The following MDGA2 variants were observed in gnomAD, a reference collection of about 807,000 sequenced individuals.
The protein encoded by MDGA2 is MAM domain containing glycosylphosphatidylinositol anchor 2.
A neutral mutation model predicts 117.8 loss-of-function variants in MDGA2; 40 were observed. The observed-to-expected ratio is 0.34, with a 90% CI of 0.26 to 0.44. The LOEUF (loss-of-function observed/expected upper bound fraction) is 0.44. Among genes scored for constraint, MDGA2 ranks in the 20% least tolerant of loss-of-function variants. The probability of loss-of-function intolerance (pLI) is 1.00; values close to 1 mark genes in which losing one functional copy is unlikely to be tolerated. For synonymous variants in MDGA2, 452 were observed against 439.0 expected (o/e 1.03, Z -0.37); for missense variants, 1,123 against 1,250.6 (o/e 0.90, Z 1.54).
At chr14:47,507,127 A>T (rs1282459676) in intron 1 of MDGA2, among the ~76,000 whole-genome samples, 1 of 152,150 alleles carries the variant, frequency 6.6e-6, no homozygotes, top group African/African-American at 2.4e-5. Flanking sequence ...TGATAATATC[A>T]AATCTACTTA....
chr14:47,404,637 G>T (rs1019615669), intron 1 of MDGA2, among the ~76,000 whole-genome samples: 14 of 152,068 alleles, frequency 9.2e-5, no homozygotes, highest in African/African-American at 3.4e-4. Context: ...TGAGACTATA[G>T]GTGTGCATCA....
chr14:47,164,237 T>A (rs1189480168), intron 3 of MDGA2, among the ~76,000 whole-genome samples: 1 of 152,202 alleles, frequency 6.6e-6, no homozygotes, highest in Non-Finnish European at 1.5e-5. Context: ...TGTGACAGGC[T>A]ATTTCTTATC....
Position 47,089,523 on chromosome 14 carries a change from G to A in MDGA2, c.1195+7331C>T, listed in dbSNP as rs192553306. 4.6e-5 allele frequency among the ~76,000 whole-genome samples: 7 copies of A among 152,088 alleles called. No individual in the cohort carries two copies. The East Asian group carries it at 7.8e-4, about 17-fold the overall frequency. On this transcript the variant is annotated intron_variant, in intron 6 of 16. Transcript: ENST00000399232. The stretch of plus-strand genomic sequence containing the variant: ...CCTGAGTAGTTGGGATTATAGGTGC[G>A]AGCTGCCACACCAGGCTAATTTCTG...
At chr14:47,120,613 T>C (rs1881599651) in intron 5 of MDGA2, among the ~76,000 whole-genome samples, 1 of 152,116 alleles carries the variant, frequency 6.6e-6, no homozygotes, top group African/African-American at 2.4e-5. Flanking sequence ...TTGCAGAAGC[T>C]GGAAATTGAG....
chr14:46,863,641 C>T (rs2138329540), intron 14 of MDGA2, among the ~76,000 whole-genome samples: 1 of 152,184 alleles, frequency 6.6e-6, no homozygotes, highest in South Asian at 2.1e-4. Context: ...GAAAATTAGA[C>T]TTATATGGTT....
At chr14:47,059,065 T>C in intron 7 of MDGA2, 1 of 1,012,378 alleles carries the variant, frequency 9.9e-7, no homozygotes, top group Non-Finnish European at 1.2e-6. Flanking sequence ...CAGTAGGGAA[T>C]TACAATAAGG....
chr14:47,018,399 G>T (rs1392153096), intron 8 of MDGA2, among the ~76,000 whole-genome samples: 1 of 151,862 alleles, frequency 6.6e-6, no homozygotes, highest in Non-Finnish European at 1.5e-5. Context: ...GGCTAATGAT[G>T]GCTATCTGGG....
At chr14:47,039,707 T>C (rs1888991712) in intron 7 of MDGA2, among the ~76,000 whole-genome samples, 1 of 152,194 alleles carries the variant, frequency 6.6e-6, no homozygotes, top group South Asian at 2.1e-4. Context: ...CAATAGAATA[T>C]GACACAGTCT....
At chr14:46,927,948 A>C (rs1884393424) in intron 9 of MDGA2, among the ~76,000 whole-genome samples, 1 of 152,182 alleles carries the variant, frequency 6.6e-6, no homozygotes, top group Admixed American at 6.5e-5. Context: ...AGGTTTACTG[A>C]TTAGTTAAAT....
chr14:47,369,200 T>C (rs1891292777), intron 1 of MDGA2, among the ~76,000 whole-genome samples: 1 of 152,218 alleles, frequency 6.6e-6, no homozygotes, highest in Non-Finnish European at 1.5e-5. Context: ...ATATTTCCAA[T>C]GACAGTAAAA....
chr14:47,539,084 A>C (rs1161781488), intron 1 of MDGA2, among the ~76,000 whole-genome samples: 7 of 152,166 alleles, frequency 4.6e-5, no homozygotes, highest in Non-Finnish European at 7.3e-5. Context: ...CTCAGGGTAC[A>C]GGCTGGTGAG....
rs146977724 is a variant in MDGA2 at position 47,415,440 on chromosome 14, G to A, written c.281-113890C>T. On this transcript the variant is annotated intron_variant, in intron 1 of 16. Coordinates refer to ENST00000399232, the MANE Select transcript of MDGA2 (RefSeq NM_001113498.3). ...GCTTCAGAAACCCATGGCAGAGTAGGATAAAATATTTAGAGAGGGAGAGAT... is the reference window on the plus strand; with the variant it reads ...GCTTCAGAAACCCATGGCAGAGTAGAATAAAATATTTAGAGAGGGAGAGAT... Among the ~76,000 whole-genome samples the A allele has an allele frequency of 2.6e-4, 39 of 152,224 alleles. 2 individuals are homozygous for A. The South Asian group carries it at 5.8e-3, about 23-fold the overall frequency.
chr14:47,348,629 T>TG (rs1890813904), intron 1 of MDGA2, among the ~76,000 whole-genome samples: 1 of 152,162 alleles, frequency 6.6e-6, no homozygotes, highest in Non-Finnish European at 1.5e-5. Flanking sequence ...CTTTGCACAT[T>TG]GGAGGGATGT....
chr14:47,399,232 A>G (rs951039362), intron 1 of MDGA2, among the ~76,000 whole-genome samples: 1 of 152,174 alleles, frequency 6.6e-6, no homozygotes, highest in Admixed American at 6.6e-5. Context: ...AAAGAAGTAT[A>G]CCACAACACC....
rs79106022 is a variant in MDGA2, at chr14:47,642,602, T to C, written c.280+31915A>G. 6.3e-3 allele frequency among the ~76,000 whole-genome samples: 963 copies of C among 152,148 alleles called. 38 individuals carry two copies. In the East Asian group the frequency reaches 0.12, roughly 19 times the overall value. Reference sequence around the variant, plus strand: ...CAAACAAACTGTGTTCCTAAATCCATATTATATAGAAGTACTAGAGTCCTC... The same window carrying C: ...CAAACAAACTGTGTTCCTAAATCCACATTATATAGAAGTACTAGAGTCCTC... On this transcript the variant is annotated intron_variant, in intron 1 of 16. Coordinates refer to ENST00000399232, the MANE Select transcript of MDGA2 (RefSeq NM_001113498.3).
At chr14:47,447,110 C>T (rs991825516) in intron 1 of MDGA2, among the ~76,000 whole-genome samples, 1 of 152,146 alleles carries the variant, frequency 6.6e-6, no homozygotes, top group African/African-American at 2.4e-5. Context: ...CTTCTTGATA[C>T]TAAAATAGCT....
chr14:47,630,166 A>C (rs965345266), intron 1 of MDGA2, among the ~76,000 whole-genome samples: 2 of 152,180 alleles, frequency 1.3e-5, no homozygotes, highest in African/African-American at 4.8e-5. Context: ...AAAAAGTCAC[A>C]CAGGCACTTA....
intron 2 of MDGA2, chr14:47,299,554 A>G (rs1026614047): frequency 6.6e-6 from 1 of 152,214 alleles, no homozygotes; most frequent in African/African-American, 2.4e-5. Flanking sequence ...AAAACAAAAA[A>G]TATAATCAAA....
intron 1 of MDGA2, among the ~76,000 whole-genome samples, chr14:47,586,679 G>A (rs1489004712): frequency 6.6e-6 from 1 of 151,874 alleles, no homozygotes; most frequent in South Asian, 2.1e-4. Context: ...GGGTATGTCT[G>A]TCCCCAAGCA....
Sources: gnomAD v4.1 joint callset for allele counts (sites outside exome capture counted in the v4.1 genomes callset) on GRCh38, gnomAD v4.1.1 for gene constraint, MANE v1.5 for transcripts, NCBI Gene and HGNC (gene_info 2026-07-23, HGNC 2026-07-21) for gene names.